The following RNLS variants were observed in gnomAD, a reference collection of about 807,000 sequenced individuals.
The protein encoded by RNLS is renalase, FAD dependent amine oxidase, also known as renalase.
RNLS carries 39 observed loss-of-function variants against 39.8 expected under a neutral mutation model. That is an observed-to-expected ratio of 0.98 (90% CI 0.76 to 1.28). RNLS has a LOEUF of 1.28. RNLS is among the 50% of genes most tolerant of loss of function. The probability of loss-of-function intolerance (pLI) is 0.00; values close to 1 mark genes in which losing one functional copy is unlikely to be tolerated. For missense variants in RNLS, 410 were observed against 413.3 expected (o/e 0.99, Z 0.07); for synonymous variants, 147 against 150.7 (o/e 0.98, Z 0.18).
the RNLS span, among the ~76,000 whole-genome samples, chr10:88,257,733 T>TA: frequency 6.6e-6 from 1 of 152,060 alleles, no homozygotes; most frequent in Non-Finnish European, 1.5e-5. Context: ...GTGCTAAAAG[T>TA]AAAAAATCAC....
At chr10:88,447,073 A>C (rs1382582922) in intron 4 of RNLS, among the ~76,000 whole-genome samples, 2 of 152,210 alleles carry the variant, frequency 1.3e-5, no homozygotes, top group Non-Finnish European at 2.9e-5. Context: ...ATGGGCAAAA[A>C]CTGGAAGCAT....
the RNLS span, among the ~76,000 whole-genome samples, chr10:88,223,132 G>A: frequency 6.6e-6 from 1 of 152,328 alleles, no homozygotes; most frequent in South Asian, 2.1e-4. Context: ...CAGAGCCTGG[G>A]CTGAGACTTT....
chr10:88,282,478 T>TAC (rs60829171), downstream of RNLS, among the ~76,000 whole-genome samples: 3,138 of 142,952 alleles, frequency 0.022, 66 homozygotes, highest in African/African-American at 0.046. Flanking sequence ...AAAGTGAAAA[T>TAC]ACACACACAC....
chr10:88,582,284 T>C lies in RNLS; in HGVS notation c.142A>G (p.Ser48Gly), dbSNP rs1261124111. The change falls in exon 2 of 7, where the codon AGT becomes GGT. Residue 48 changes from serine (S) to glycine (G), a missense_variant. Coordinates refer to ENST00000331772, the MANE Select transcript of RNLS (RefSeq NM_001031709.3). Reference protein sequence around the residue: ...DSGGRMTTACSPHNPQCTADL... With the variant: ...DSGGRMTTACGPHNPQCTADL... ...GCTGTGCACTGAGGATTATGAGGAC[T>C]GCAGGCTGTAGTCATTCTTCCCCCT... 6.2e-7 allele frequency: 1 copy of C among 1,613,986 alleles called. No individual in the cohort carries two copies. The highest frequency in any genetic ancestry group is 1.7e-5 in the Admixed American group (1 of 59,988).
rs140133334 is a variant in RNLS, at chr10:88,297,388, T to A, written c.877-11882A>T. On this transcript the variant is annotated intron_variant, in intron 6 of 6. Coordinates refer to ENST00000331772, the MANE Select transcript of RNLS (RefSeq NM_001031709.3). ...CTTGTAGGCATGTCGTAGTATTTCATCATGGTTGTAATTTGAACTCCCTTA... is the reference window on the plus strand; with the variant it reads ...CTTGTAGGCATGTCGTAGTATTTCAACATGGTTGTAATTTGAACTCCCTTA... Among the ~76,000 whole-genome samples, 227 of 152,314 alleles carry A rather than the reference T, an allele frequency of 1.5e-3. 2 individuals carry two copies. The highest frequency in any genetic ancestry group is 4.2e-3 in the East Asian group (22 of 5,182).
chr10:88,399,226 A>C (rs537697952), intron 4 of RNLS, among the ~76,000 whole-genome samples: 7 of 152,162 alleles, frequency 4.6e-5, no homozygotes, highest in African/African-American at 1.4e-4. Flanking sequence ...AATTCCTCAA[A>C]AAATTATACA....
intron 6 of RNLS, among the ~76,000 whole-genome samples, chr10:88,307,041 C>A (rs1312305122): frequency 6.6e-6 from 1 of 152,146 alleles, no homozygotes; most frequent in East Asian, 1.9e-4. Flanking sequence ...AAATATGATT[C>A]ATCATGTGAA....
At position 88,569,488 on chromosome 10, in the gene RNLS, G is replaced by C. The variant is rs144941139; in HGVS notation, c.526+3415C>G. Among the ~76,000 whole-genome samples, 953 of 152,230 alleles carry C rather than the reference G, an allele frequency of 6.3e-3. 6 individuals are homozygous for C. The highest frequency in any genetic ancestry group is 0.028 in the East Asian group (143 of 5,180). On this transcript the variant is annotated intron_variant, in intron 4 of 6. Transcript: ENST00000331772. ...AAAAGGATGTCAATTCACATTCCTG[G>C]CATGATTCAGGACACCCTTCTTACC... is the stretch of plus-strand genomic sequence containing the variant.
intron 4 of RNLS, among the ~76,000 whole-genome samples, chr10:88,563,101 T>C (rs902518324): frequency 2.0e-5 from 3 of 152,178 alleles, no homozygotes; most frequent in Non-Finnish European, 2.9e-5. Context: ...TTTTCTTAGA[T>C]GAGAAGATGA....
chr10:88,235,663 C>T, the RNLS span, among the ~76,000 whole-genome samples: 2 of 152,084 alleles, frequency 1.3e-5, no homozygotes, highest in Non-Finnish European at 2.9e-5. Context: ...ACTTTTTGTT[C>T]CCCTTCAGAT....
the RNLS span, among the ~76,000 whole-genome samples, chr10:88,207,124 AG>A: frequency 6.6e-6 from 1 of 152,198 alleles, no homozygotes; most frequent in Non-Finnish European, 1.5e-5. Context: ...GATTAGACAA[AG>A]ATTTCTTAGA....
chr10:88,437,524 G>A (rs1020820339), intron 4 of RNLS, among the ~76,000 whole-genome samples: 1 of 152,188 alleles, frequency 6.6e-6, no homozygotes, highest in African/African-American at 2.4e-5. Context: ...TTTCTACAAA[G>A]CATTTCCAGA....
At chr10:88,581,924 C>A (rs938905187) in intron 2 of RNLS, among the ~76,000 whole-genome samples, 2 of 152,106 alleles carry the variant, frequency 1.3e-5, no homozygotes, top group Non-Finnish European at 2.9e-5. Context: ...ATCCATAGGT[C>A]GTTTGCTGAC....
At chr10:88,536,012 G>A (rs1307913271) in intron 4 of RNLS, among the ~76,000 whole-genome samples, 1 of 152,128 alleles carries the variant, frequency 6.6e-6, no homozygotes, top group Non-Finnish European at 1.5e-5. Flanking sequence ...CTGAGAGATG[G>A]TATCTAGAGG....
chr10:88,207,219 C>T, the RNLS span, among the ~76,000 whole-genome samples: 1 of 151,706 alleles, frequency 6.6e-6, no homozygotes, highest in African/African-American at 2.4e-5. Flanking sequence ...TTACTGAAAG[C>T]CACTTAAGAG....
At chr10:88,521,776 A>G (rs1846753943) in intron 4 of RNLS, among the ~76,000 whole-genome samples, 1 of 152,104 alleles carries the variant, frequency 6.6e-6, no homozygotes, top group African/African-American at 2.4e-5. Flanking sequence ...GTGGTACAGA[A>G]TCATATCACC....
intron 4 of RNLS, among the ~76,000 whole-genome samples, chr10:88,521,153 A>G (rs1846701869): frequency 1.3e-5 from 2 of 152,032 alleles, no homozygotes; most frequent in South Asian, 4.1e-4. Flanking sequence ...GTTTCCATGA[A>G]GGTAGAAGCT....
Position 88,576,178 on chromosome 10 carries a change from C to T in RNLS, c.368-3117G>A, listed in dbSNP as rs181763485. 2.2e-4 allele frequency among the ~76,000 whole-genome samples: 33 copies of T among 152,314 alleles called. No homozygotes were observed. The East Asian group carries it at 3.8e-3, about 18-fold the overall frequency. On this transcript the variant is annotated intron_variant, in intron 3 of 6. Transcript: ENST00000331772. ...TAATGCTCTCACTCTTTCTTCTTAA[C>T]ATTTATCATGCATCTTTTCTTTGTA...
chr10:88,482,295 A>T (rs896886141), intron 4 of RNLS, among the ~76,000 whole-genome samples: 1 of 152,040 alleles, frequency 6.6e-6, no homozygotes, highest in East Asian at 1.9e-4. Context: ...GGTACACTCA[A>T]TGTTGTCCCA....
Sources: allele counts gnomAD v4.1 joint callset (sites outside exome capture counted in the v4.1 genomes callset), GRCh38; gene constraint gnomAD v4.1.1; transcripts MANE v1.5; gene names NCBI Gene and HGNC (gene_info 2026-07-23, HGNC 2026-07-21).